Variants in EEFSEC observed in about 807,000 individuals in gnomAD.
EEFSEC encodes selenocysteine-specific elongation factor.
In EEFSEC, 43 loss-of-function variants were observed where a neutral mutation model predicts 42.1. The ratio of observed to expected loss-of-function variants is 1.02; its 90% CI spans 0.80 to 1.32. The LOEUF (loss-of-function observed/expected upper bound fraction) is 1.32, where lower values mean the gene tolerates loss of function less well. EEFSEC is among the 40% of genes most tolerant of loss of function. The pLI, the probability that EEFSEC is intolerant of heterozygous loss-of-function variation, is 0.00. For missense variants in EEFSEC, 745 were observed against 803.6 expected (o/e 0.93, Z 0.88); for synonymous variants, 354 against 339.1 (o/e 1.04, Z -0.48).
intron 6 of EEFSEC, among the ~76,000 whole-genome samples, chr3:128,380,136 T>C (rs959389502): frequency 6.6e-6 from 1 of 152,150 alleles, no homozygotes; most frequent in African/African-American, 2.4e-5. Flanking sequence ...AGGTGCTTGG[T>C]GCCATTTCTC....
intron 1 of EEFSEC, among the ~76,000 whole-genome samples, chr3:128,211,530 T>A (rs924362883): frequency 6.6e-6 from 1 of 152,056 alleles, no homozygotes; most frequent in Non-Finnish European, 1.5e-5. Flanking sequence ...ACTTCTTTTT[T>A]TTTTTTCTGG....
At chr3:128,329,412 A>G (rs1056513095) in intron 4 of EEFSEC, among the ~76,000 whole-genome samples, 1 of 137,786 alleles carries the variant, frequency 7.3e-6, no homozygotes, top group Non-Finnish European at 1.6e-5. Context: ...ACCCAGCCCC[A>G]CCCCCCCCCA....
At chr3:128,225,377 T>A (rs1029636184) in intron 1 of EEFSEC, among the ~76,000 whole-genome samples, 1 of 152,186 alleles carries the variant, frequency 6.6e-6, no homozygotes, top group African/African-American at 2.4e-5. Flanking sequence ...CCCCCTACAA[T>A]GAAGCTACAT....
chr3:128,253,446 G>C (rs960248136), intron 2 of EEFSEC, among the ~76,000 whole-genome samples: 3 of 152,188 alleles, frequency 2.0e-5, no homozygotes, highest in African/African-American at 7.2e-5. Flanking sequence ...GCGAGTCATA[G>C]CTTCTCTGAA....
chr3:128,316,696 G>A (rs2108029403), intron 4 of EEFSEC, among the ~76,000 whole-genome samples: 1 of 152,294 alleles, frequency 6.6e-6, no homozygotes, highest in Middle Eastern at 3.4e-3. Flanking sequence ...CAGCACAGAG[G>A]ACCTGGGGCG....
At chr3:128,355,782 A>T (rs772694860) in intron 5 of EEFSEC, among the ~76,000 whole-genome samples, 2 of 152,372 alleles carry the variant, frequency 1.3e-5, no homozygotes, top group Non-Finnish European at 2.9e-5. Context: ...TTCTGCCTGG[A>T]GCTTGTGCCT....
chr3:128,158,916 C>T (rs573715586), intron 1 of EEFSEC, among the ~76,000 whole-genome samples: 19 of 152,280 alleles, frequency 1.2e-4, no homozygotes, highest in Middle Eastern at 3.4e-3. Flanking sequence ...TTTATTTAGA[C>T]TAAAACTGTA....
chr3:128,403,229 G>T (rs773870753), intron 6 of EEFSEC, among the ~76,000 whole-genome samples: 2 of 152,106 alleles, frequency 1.3e-5, no homozygotes, highest in Non-Finnish European at 2.9e-5. Flanking sequence ...TGCCTCCCAG[G>T]TGGGTCTCCA....
chr3:128,408,052 T>A lies in EEFSEC; in HGVS notation c.1601-17T>A. ...TGGGGTACGGCAGAGTGACAGGCTC[T>A]CTTCTGTGCCTTGCAGGTGGCCTCA... On this transcript the variant is annotated splice_polypyrimidine_tract_variant and intron_variant, in intron 6 of 6. Coordinates refer to ENST00000254730, the MANE Select transcript of EEFSEC (RefSeq NM_021937.5). 1 of 1,517,126 alleles carries A rather than the reference T, an allele frequency of 6.6e-7. No individual in the cohort carries two copies. Among genetic ancestry groups the A allele is most frequent in the South Asian group, 1.3e-5 (1 of 76,806 alleles). 94.0% of individuals were successfully genotyped at this position (1,517,126 alleles called of 1,614,324 possible). A position where few individuals can be genotyped will look rare whatever the true frequency, so the allele number is the denominator to read the frequency against.
In EEFSEC at chr3:128,179,399, C is replaced by T. The variant is rs540522821; in HGVS notation, c.316+25576C>T. The stretch of plus-strand genomic sequence containing the variant: ...GTTCAGCTAGAATCGTGTAGGCATT[C>T]GCATTGGCTAGAGGGTTAGTTGTGT... On this transcript the variant is annotated intron_variant, in intron 1 of 6. Transcript: ENST00000254730. 2.0e-5 allele frequency among the ~76,000 whole-genome samples: 3 copies of T among 152,198 alleles called. No individual in the cohort carries two copies. The East Asian group carries it at 5.8e-4, about 29-fold the overall frequency.
intron 1 of EEFSEC, among the ~76,000 whole-genome samples, chr3:128,168,589 A>G (rs1182505928): frequency 6.6e-6 from 1 of 152,228 alleles, no homozygotes; most frequent in East Asian, 1.9e-4. Context: ...ACTCACCTCC[A>G]TCAGCTAGCC....
chr3:128,332,903 A>G (rs2067149559), intron 4 of EEFSEC, among the ~76,000 whole-genome samples: 1 of 152,264 alleles, frequency 6.6e-6, no homozygotes, highest in Admixed American at 6.5e-5. Context: ...AAGAGCAGCC[A>G]AATTGAACCT....
intron 1 of EEFSEC, among the ~76,000 whole-genome samples, chr3:128,162,674 A>G (rs2065202272): frequency 6.6e-6 from 1 of 152,214 alleles, no homozygotes; most frequent in African/African-American, 2.4e-5. Context: ...GCAGGTAGTC[A>G]TATTTCATTC....
intron 1 of EEFSEC, among the ~76,000 whole-genome samples, chr3:128,210,265 C>T (rs1160067169): frequency 6.6e-6 from 1 of 152,156 alleles, no homozygotes; most frequent in East Asian, 1.9e-4. Flanking sequence ...CTGGAGAGGT[C>T]ATAGCAGCTC....
intron 1 of EEFSEC, among the ~76,000 whole-genome samples, chr3:128,193,053 C>T (rs910633726): frequency 7.9e-5 from 12 of 152,186 alleles, no homozygotes; most frequent in Admixed American, 6.5e-5. Flanking sequence ...CATGTCCCTT[C>T]AGGGTTAAAT....
the EEFSEC span, among the ~76,000 whole-genome samples, chr3:128,416,967 C>T: frequency 2.0e-5 from 3 of 152,124 alleles, no homozygotes; most frequent in East Asian, 1.9e-4. Flanking sequence ...ACTCAGAGAG[C>T]GATCGTGGTG....
At chr3:128,208,742 C>T (rs143584532) in intron 1 of EEFSEC, among the ~76,000 whole-genome samples, 4 of 152,296 alleles carry the variant, frequency 2.6e-5, no homozygotes, top group Non-Finnish European at 5.9e-5. Flanking sequence ...GTTAGAGTCA[C>T]AGCTCACCCA....
At chr3:128,299,920 G>T (rs1226513507) in intron 4 of EEFSEC, among the ~76,000 whole-genome samples, 2 of 152,200 alleles carry the variant, frequency 1.3e-5, no homozygotes, top group Non-Finnish European at 2.9e-5. Flanking sequence ...TCCTGGGGTG[G>T]TTCCTGTGTG....
At chr3:128,170,408 A>G (rs2065283407) in intron 1 of EEFSEC, among the ~76,000 whole-genome samples, 2 of 141,962 alleles carry the variant, frequency 1.4e-5, no homozygotes, top group Admixed American at 1.4e-4. Flanking sequence ...CTAAAACTAC[A>G]AAAATTAGCC....
Sources: allele counts gnomAD v4.1 joint callset (sites outside exome capture counted in the v4.1 genomes callset), GRCh38; gene constraint gnomAD v4.1.1; transcripts MANE v1.5; gene names NCBI Gene and HGNC (gene_info 2026-07-23, HGNC 2026-07-21).